The following LSS variants were observed in gnomAD, a reference collection of about 807,000 sequenced individuals.
The protein encoded by LSS is lanosterol synthase, also known as 2,3-epoxysqualene-lanosterol cyclase.
In LSS, 90 loss-of-function variants were observed where a neutral mutation model predicts 110.3. That is an observed-to-expected ratio of 0.82 (90% CI 0.69 to 0.97). The LOEUF (loss-of-function observed/expected upper bound fraction) is 0.97. Ranked by LOEUF, LSS falls within the 50% of genes least tolerant of loss-of-function variation. The pLI, the probability that LSS is intolerant of heterozygous loss-of-function variation, is 0.00. For synonymous variants in LSS, 433 were observed against 400.0 expected, an observed-to-expected ratio of 1.08 and a Z score of -0.98; for missense variants, 927 against 990.0, an observed-to-expected ratio of 0.94 and a Z score of 0.85.
intron 5 of LSS, 50 bp downstream of exon 5, chr21:46,221,804 T>G: frequency 6.2e-7 from 1 of 1,611,376 alleles, no homozygotes; most frequent in South Asian, 1.1e-5. Flanking sequence ...GAGAGCTCAT[T>G]ATCGAGTTGA....
chr21:46,192,912 G>A (rs371475209), intron 20 of LSS: 13 of 438,802 alleles, frequency 3.0e-5, no homozygotes, highest in African/African-American at 9.1e-5. Flanking sequence ...TGTGTGCATA[G>A]ACCTGTATGT....
intron 19 of LSS, among the ~76,000 whole-genome samples, chr21:46,194,980 C>T (rs770507601): frequency 1.6e-4 from 24 of 152,340 alleles, no homozygotes; most frequent in African/African-American, 5.8e-4. Context: ...CAGCCAAGCA[C>T]GGTGCTCCCC....
chr21:46,201,946 C>G (rs553530355), intron 17 of LSS, among the ~76,000 whole-genome samples: 1 of 150,606 alleles, frequency 6.6e-6, no homozygotes, highest in Non-Finnish European at 1.5e-5. Context: ...TACAAGCGCC[C>G]GCCACCACGC....
chr21:46,226,612 G>A (rs550478213), intron 3 of LSS, among the ~76,000 whole-genome samples: 27 of 152,238 alleles, frequency 1.8e-4, no homozygotes, highest in Non-Finnish European at 3.4e-4. Context: ...ATCTCATTAG[G>A]CTTATTCTAA....
At chr21:46,226,246 C>T (rs750148198) in intron 3 of LSS, among the ~76,000 whole-genome samples, 1 of 152,186 alleles carries the variant, frequency 6.6e-6, no homozygotes, top group African/African-American at 2.4e-5. Flanking sequence ...CACAGTAATC[C>T]CCACTGACCA....
intron 17 of LSS, among the ~76,000 whole-genome samples, chr21:46,196,940 C>T (rs922781927): frequency 6.6e-6 from 1 of 152,250 alleles, no homozygotes; most frequent in African/African-American, 2.4e-5. Context: ...GGGATCGTGC[C>T]GAGGACCCTG....
At chr21:46,204,708 G>T (rs993294868) in intron 17 of LSS, among the ~76,000 whole-genome samples, 2 of 152,024 alleles carry the variant, frequency 1.3e-5, no homozygotes, top group Non-Finnish European at 2.9e-5. Context: ...GGCCCAACTG[G>T]CATTTCCGGT....
chr21:46,207,392 G>T, intron 15 of LSS, 36 bp downstream of exon 15: 1 of 1,606,960 alleles, frequency 6.2e-7, no homozygotes, highest in Middle Eastern at 1.7e-4. Flanking sequence ...TGCAGGACAC[G>T]AGGTATGGAC....
In LSS at chr21:46,191,956, A is replaced by C. The variant is rs1569014236; in HGVS notation, c.1992T>G (p.His664Gln). 6.2e-7 allele frequency: 1 copy of C among 1,613,004 alleles called. No individual in the cohort carries two copies. The highest frequency in any genetic ancestry group is 8.5e-7 in the Non-Finnish European group (1 of 1,179,446). ...WAMMGLMAVR[H>Q]PDIEAQERGV... ...CTCTCTCCTGGGCCTCGATGTCAGG[A>C]TGCCTGGTGGAAGAGAAGGCTGAAA... The change falls in exon 21 of 22, where the codon CAT (histidine) becomes CAG (glutamine). Residue 664 changes from histidine to glutamine, a missense_variant. Transcript: ENST00000397728.
At chr21:46,204,228 G>A (rs1469697473) in intron 17 of LSS, among the ~76,000 whole-genome samples, 1 of 152,112 alleles carries the variant, frequency 6.6e-6, no homozygotes, top group African/African-American at 2.4e-5. Context: ...CCCGGAAACG[G>A]AGGTTGCAGT....
rs1007065359 is a variant in LSS, at chr21:46,222,701, C to T, written c.357G>A (p.Leu119=). 1.9e-6 allele frequency: 3 copies of T among 1,613,912 alleles called. No individual in the cohort carries two copies. Among genetic ancestry groups the T allele is most frequent in the Non-Finnish European group, 2.5e-6 (3 of 1,180,032 alleles). The change falls in exon 4 of 22, where the codon CTG becomes CTA. Residue 119 remains leucine, a synonymous_variant. Transcript: ENST00000397728. ...LITCHVARIP[L]PAGYREEIVR... is the part of the protein sequence containing the mutation. ...CAATCTCTTCTCTGTATCCGGCTGGCAGAGGGATGCGTGCCACGTGGCAAG... is the reference window on the plus strand; with the variant it reads ...CAATCTCTTCTCTGTATCCGGCTGGTAGAGGGATGCGTGCCACGTGGCAAG...
chr21:46,225,367 C>T (rs926751690), intron 3 of LSS: 4 of 452,698 alleles, frequency 8.8e-6, no homozygotes, highest in African/African-American at 4.0e-5. Flanking sequence ...GGAAGAGGCC[C>T]GTTGCCAAGC....
In LSS at chr21:46,216,321, C is replaced by G; in HGVS notation, c.783+68G>C. The G allele has an allele frequency of 6.2e-7, 1 of 1,603,842 alleles. No individual in the cohort carries two copies. The highest frequency in any genetic ancestry group is 8.5e-7 in the Non-Finnish European group (1 of 1,174,148). Reference sequence around the variant, plus strand: ...GTGAGTGGACAGGTGTGGTTAGATTCCAGAAGCCCCAGGCCCTGTGGGTCC... The same window carrying G: ...GTGAGTGGACAGGTGTGGTTAGATTGCAGAAGCCCCAGGCCCTGTGGGTCC... On this transcript the variant is annotated intron_variant, in intron 7 of 21. Transcript: ENST00000397728. The surrounding 1 kb of genome is among the most constrained non-coding windows in gnomAD (Gnocchi z 4.2).
At chr21:46,227,395 G>A in intron 3 of LSS, 157 bp downstream of exon 3, 1 of 847,160 alleles carries the variant, frequency 1.2e-6, no homozygotes, top group Admixed American at 2.8e-5. Context: ...TAGACCAATA[G>A]CAGGACGACT....
intron 4 of LSS, 51 bp downstream of exon 4, chr21:46,222,579 T>A: frequency 6.6e-7 from 1 of 1,522,906 alleles, no homozygotes; most frequent in East Asian, 2.3e-5. Context: ...TCCTACATCA[T>A]GAGAACACAC....
In LSS at chr21:46,195,732, G is replaced by A. The variant is rs767928866; in HGVS notation, c.1761C>T (p.Tyr587=). The A allele has an allele frequency of 8.4e-5, 135 of 1,613,840 alleles. No homozygotes were observed. The East Asian group carries it at 8.7e-4, about 10-fold the overall frequency. ...AGGCCTCCAGGCCAAACCAGGTGCC[G>A]TAGGTGAAGCAAACTCCCCAGGAGC... The part of the protein sequence containing the change: ...WEGSWGVCFT[Y]GTWFGLEAFA... Residue 587 remains tyrosine, a synonymous_variant, in exon 19 of 22, where the codon TAC becomes TAT. Coordinates refer to ENST00000397728, the MANE Select transcript of LSS (RefSeq NM_002340.6).
chr21:46,222,260 T>C lies in LSS; in HGVS notation c.429-285A>G, dbSNP rs2123759244. The C allele has an allele frequency of 5.6e-6, 3 of 533,694 alleles. No individual in the cohort carries two copies. The South Asian group carries it at 6.6e-5, about 12-fold the overall frequency. 33.1% of individuals were successfully genotyped at this position (533,694 alleles called of 1,614,324 possible). The stretch of plus-strand genomic sequence containing the variant: ...AGCTCAAGGGCGGTCCACTTTGGGC[T>C]ATGGCTCTGCTCCCAAAGTGTGTGC... On this transcript the variant is annotated intron_variant, in intron 4 of 21. Coordinates refer to ENST00000397728, the MANE Select transcript of LSS (RefSeq NM_002340.6).
At position 46,227,691 on chromosome 21, in the gene LSS, C is replaced by T. The variant is rs777817011; in HGVS notation, c.181-1G>A. ...TGGGCAAGTCCTTAAAGTAATTCTT[C>T]TGCAAAGAGATCGAAAAAAAAAAAA... is the stretch of plus-strand genomic sequence containing the variant. On this transcript the variant is annotated splice_acceptor_variant, in intron 2 of 21. Coordinates refer to ENST00000397728, the MANE Select transcript of LSS (RefSeq NM_002340.6). LOFTEE classifies it high-confidence loss of function. The T allele has an allele frequency of 6.3e-7, 1 of 1,597,676 alleles. No individual in the cohort carries two copies.
At chr21:46,212,039 G>A (rs2080140523) in intron 11 of LSS, among the ~76,000 whole-genome samples, 1 of 133,596 alleles carries the variant, frequency 7.5e-6, no homozygotes, top group South Asian at 2.5e-4. Flanking sequence ...AGTCGGTGCT[G>A]AGGGAGCGCT....
Sources: gnomAD v4.1 joint callset for allele counts (sites outside exome capture counted in the v4.1 genomes callset) on GRCh38, gnomAD v4.1.1 for gene constraint, Gnocchi (gnomAD v3.1) non-coding constraint, MANE v1.5 for transcripts, NCBI Gene and HGNC (gene_info 2026-07-23, HGNC 2026-07-21) for gene names.